Variants in CDC14A observed in about 807,000 individuals in gnomAD.
CDC14A encodes dual specificity protein phosphatase CDC14A.
CDC14A carries 53 observed loss-of-function variants against 74.4 expected under a neutral mutation model. The observed-to-expected ratio is 0.71, with a 90% CI of 0.57 to 0.89. The LOEUF is 0.89. CDC14A is among the 40% of genes least tolerant of loss of function. CDC14A has a pLI of 0.00. For synonymous variants in CDC14A, 247 were observed against 258.4 expected (o/e 0.96, Z 0.43); for missense variants, 646 against 713.7 (o/e 0.91, Z 1.08).
intron 3 of CDC14A, among the ~76,000 whole-genome samples, chr1:100,386,573 A>G (rs1023790193): frequency 1.3e-5 from 2 of 152,114 alleles, no homozygotes; most frequent in Non-Finnish European, 2.9e-5. Flanking sequence ...GGGTGAGCAG[A>G]TCACTTGAGG....
rs976499161 is a variant in CDC14A at position 100,388,082 on chromosome 1, A to G, written c.217-2650A>G. On this transcript the variant is annotated intron_variant, in intron 3 of 15. Coordinates refer to ENST00000336454, the MANE Select transcript of CDC14A (RefSeq NM_003672.4). ...ATAGACTGTTGATATTTTCTTCCCCACAGGTATTTTAGGGAATTAGGAAAT... is the reference window on the plus strand; with the variant it reads ...ATAGACTGTTGATATTTTCTTCCCCGCAGGTATTTTAGGGAATTAGGAAAT... Among the ~76,000 whole-genome samples the G allele has an allele frequency of 2.0e-5, 3 of 152,234 alleles. No individual in the cohort carries two copies. In the East Asian group the frequency reaches 5.8e-4, roughly 29 times the overall value.
intron 2 of CDC14A, among the ~76,000 whole-genome samples, chr1:100,372,131 C>A (rs1654563411): frequency 6.6e-6 from 1 of 152,186 alleles, no homozygotes; most frequent in African/African-American, 2.4e-5. Flanking sequence ...TATACCTTAA[C>A]TAAAAATACT....
rs1158640575 is a variant in CDC14A at position 100,420,055 on chromosome 1, C to CATATATAT, written c.310-4166_310-4165insTATATATA. Among the ~76,000 whole-genome samples the CATATATAT allele has an allele frequency of 2.9e-4, 6 of 21,024 alleles. No homozygotes were observed. The East Asian group carries it at 9.4e-3, about 33-fold the overall frequency. 13.8% of individuals were successfully genotyped at this position (21,024 alleles called of 152,430 possible). A position where few individuals can be genotyped will look rare whatever the true frequency, so the allele number is the denominator to read the frequency against. On this transcript the variant is annotated intron_variant, in intron 4 of 15. Transcript: ENST00000336454. ...ATACACACACACACACACACACACA[C>CATATATAT]ACACACACATATATATATATATATA...
Position 100,462,746 on chromosome 1 carries a change from A to C in CDC14A, c.703A>C (p.Lys235Gln). 1 of 1,614,124 alleles carries C rather than the reference A, an allele frequency of 6.2e-7. No homozygotes were observed. Among genetic ancestry groups the C allele is most frequent in the Non-Finnish European group, 8.5e-7 (1 of 1,179,992 alleles). The stretch of plus-strand genomic sequence containing the variant: ...GCTAAACAAAAAGATTTATGAGGCA[A>C]AGCGCTTCACAGACGCTGGCTTCGA... ...VRLNKKIYEA[K>Q]RFTDAGFEHY... The change falls in exon 9 of 16, where the codon AAG (lysine) becomes CAG (glutamine). Residue 235 changes from lysine to glutamine, a missense_variant. Physicochemically the swap from Lys to Gln is moderately conservative, Grantham distance 53. Transcript: ENST00000336454.
intron 2 of CDC14A, among the ~76,000 whole-genome samples, chr1:100,368,839 C>A (rs374438525): frequency 6.6e-6 from 1 of 152,056 alleles, no homozygotes; most frequent in Non-Finnish European, 1.5e-5. Context: ...TGAGAACATG[C>A]GGTATTTGGT....
At chr1:100,489,526 A>G (rs1005171008) in intron 11 of CDC14A, among the ~76,000 whole-genome samples, 1 of 151,728 alleles carries the variant, frequency 6.6e-6, no homozygotes, top group Non-Finnish European at 1.5e-5. Flanking sequence ...CAACTGGTGG[A>G]ATAAAATATT....
At chr1:100,438,941 T>C (rs1026636057) in intron 5 of CDC14A, among the ~76,000 whole-genome samples, 2 of 152,228 alleles carry the variant, frequency 1.3e-5, no homozygotes, top group East Asian at 3.8e-4. Flanking sequence ...GCCTGCTCTG[T>C]TTCTTGGGTC....
At chr1:100,365,329 C>T (rs1653415304) in intron 2 of CDC14A, among the ~76,000 whole-genome samples, 1 of 152,268 alleles carries the variant, frequency 6.6e-6, no homozygotes, top group East Asian at 1.9e-4. Flanking sequence ...ACAGACAGAA[C>T]AGAGAACATC....
At chr1:100,441,385 C>A (rs528259469) in intron 6 of CDC14A, among the ~76,000 whole-genome samples, 65 of 152,232 alleles carry the variant, frequency 4.3e-4, no homozygotes, top group African/African-American at 1.5e-3. Context: ...ATATTCTGGG[C>A]TATTTTTGTG....
chr1:100,473,686 C>A (rs1340235644), intron 10 of CDC14A, among the ~76,000 whole-genome samples: 2 of 152,146 alleles, frequency 1.3e-5, no homozygotes, highest in African/African-American at 4.8e-5. Context: ...CCCTGCCTGG[C>A]CACAATTGAT....
At chr1:100,485,164 G>T (rs561612410) in intron 11 of CDC14A, 1 of 985,318 alleles carries the variant, frequency 1.0e-6, no homozygotes, top group Non-Finnish European at 1.2e-6. Flanking sequence ...TAGAAACAAC[G>T]TTGAAACACC....
intron 2 of CDC14A, among the ~76,000 whole-genome samples, chr1:100,364,430 T>G (rs1293611945): frequency 6.6e-6 from 1 of 152,016 alleles, no homozygotes; most frequent in Non-Finnish European, 1.5e-5. Flanking sequence ...GCCAGGATGG[T>G]CTCAATCTCT....
chr1:100,413,154 A>G (rs1198094455), intron 4 of CDC14A, among the ~76,000 whole-genome samples: 1 of 152,200 alleles, frequency 6.6e-6, no homozygotes, highest in Non-Finnish European at 1.5e-5. Context: ...GGGCTAATGC[A>G]CAGAAAAATT....
At chr1:100,492,593 G>A (rs1645159767) in intron 11 of CDC14A, among the ~76,000 whole-genome samples, 1 of 152,012 alleles carries the variant, frequency 6.6e-6, no homozygotes, top group Non-Finnish European at 1.5e-5. Flanking sequence ...CATTGTTCAC[G>A]GTTGAGCTTA....
intron 3 of CDC14A, among the ~76,000 whole-genome samples, chr1:100,387,863 C>G (rs901665213): frequency 2.6e-5 from 4 of 152,092 alleles, no homozygotes; most frequent in East Asian, 3.9e-4. Context: ...TCTACTCCCC[C>G]CAACCCCCTC....
At chr1:100,353,997 G>A (rs1651523082) in intron 2 of CDC14A, 145 bp downstream of exon 2, 4 of 640,500 alleles carry the variant, frequency 6.2e-6, no homozygotes, top group Admixed American at 5.7e-5. Flanking sequence ...TCAGGTGCCT[G>A]GGGAGAAGTT....
intron 5 of CDC14A, among the ~76,000 whole-genome samples, chr1:100,424,874 A>G (rs1662769346): frequency 2.0e-5 from 3 of 152,316 alleles, no homozygotes; most frequent in East Asian, 3.9e-4. Flanking sequence ...GCTCATTTAA[A>G]AAGTAGAAGG....
rs190980329 is a variant in CDC14A at position 100,496,166 on chromosome 1, G to T, written c.1298+117G>T. The T allele has an allele frequency of 7.6e-5, 59 of 780,786 alleles. No individual in the cohort carries two copies. The East Asian group carries it at 1.2e-3, about 16-fold the overall frequency. 48.4% of individuals were successfully genotyped at this position (780,786 alleles called of 1,614,324 possible). ...TACACAGCTTTTTGCTTTTTAAATT[G>T]CTTCCTTTCTCTTCCATATTGTTTA... On this transcript the variant is annotated intron_variant, in intron 13 of 15. Coordinates refer to ENST00000336454, the MANE Select transcript of CDC14A (RefSeq NM_003672.4).
intron 4 of CDC14A, chr1:100,423,959 G>A: frequency 2.5e-6 from 1 of 400,402 alleles, no homozygotes; most frequent in South Asian, 2.6e-5. Context: ...CATTGTGTCT[G>A]TTCAGTGTGC....
Sources: gnomAD v4.1 joint callset for allele counts (sites outside exome capture counted in the v4.1 genomes callset) on GRCh38, gnomAD v4.1.1 for gene constraint, MANE v1.5 for transcripts, NCBI Gene and HGNC (gene_info 2026-07-23, HGNC 2026-07-21) for gene names.